Variants in ATXN7L1 observed in about 807,000 individuals in gnomAD.
ATXN7L1 encodes the protein ataxin-7-like protein 1.
ATXN7L1 carries 15 observed loss-of-function variants against 70.8 expected under a neutral mutation model. The ratio of observed to expected loss-of-function variants is 0.21; its 90% CI spans 0.14 to 0.33. ATXN7L1 has a LOEUF of 0.33. Ranked by LOEUF, ATXN7L1 falls within the 10% of genes least tolerant of loss-of-function variation. ATXN7L1 has a pLI of 1.00. For synonymous variants in ATXN7L1, 440 were observed against 445.1 expected, an observed-to-expected ratio of 0.99 and a Z score of 0.14; for missense variants, 975 against 1,097.1, an observed-to-expected ratio of 0.89 and a Z score of 1.57.
At chr7:105,798,967 C>T (rs1806403972) in intron 2 of ATXN7L1, among the ~76,000 whole-genome samples, 1 of 152,246 alleles carries the variant, frequency 6.6e-6, no homozygotes, top group Non-Finnish European at 1.5e-5. Context: ...GCAGTTCTCA[C>T]TAGGTCTTCT....
At chr7:105,744,383 G>A (rs1798341092) in intron 3 of ATXN7L1, among the ~76,000 whole-genome samples, 1 of 151,944 alleles carries the variant, frequency 6.6e-6, no homozygotes, top group South Asian at 2.1e-4. Flanking sequence ...CAAGAGCTTA[G>A]AGTATATTTA....
In ATXN7L1 at chr7:105,628,736, T is replaced by C. The variant is rs532386114; in HGVS notation, c.1203-4469A>G. Among the ~76,000 whole-genome samples, 117 of 151,902 alleles carry C rather than the reference T, an allele frequency of 7.7e-4. 2 individuals carry two copies. The highest frequency in any genetic ancestry group is 2.7e-3 in the African/African-American group (110 of 41,392). ...TGAACCCGGGAGGCAGAGTTTGCAG[T>C]GAGCCGAGATCGCGCCACTGTACTC... is the stretch of plus-strand genomic sequence containing the variant. On this transcript the variant is annotated intron_variant, in intron 7 of 11. Transcript: ENST00000419735.
At chr7:105,646,006 C>CAA (rs34098256) in intron 4 of ATXN7L1, among the ~76,000 whole-genome samples, 29 of 119,860 alleles carry the variant, frequency 2.4e-4, no homozygotes, top group Middle Eastern at 4.5e-3. Flanking sequence ...GTCTCTGTCT[C>CAA]AAAAAAAAAA....
intron 3 of ATXN7L1, among the ~76,000 whole-genome samples, chr7:105,776,977 C>A (rs1802829461): frequency 6.6e-6 from 1 of 152,082 alleles, no homozygotes. Context: ...ACCATGTTGG[C>A]CAGGCTGGTC....
chr7:105,761,092 G>A, intron 3 of ATXN7L1: 1 of 994,874 alleles, frequency 1.0e-6, no homozygotes, highest in Non-Finnish European at 1.2e-6. Flanking sequence ...AGCAGGAACA[G>A]CTGGAAGGCT....
intron 2 of ATXN7L1, among the ~76,000 whole-genome samples, chr7:105,812,434 C>T (rs1355565121): frequency 1.3e-5 from 2 of 152,184 alleles, no homozygotes; most frequent in Non-Finnish European, 2.9e-5. Flanking sequence ...AGAGATCTAA[C>T]TCAGACTAGC....
At chr7:105,725,204 TAAAGAGAGAAG>T in intron 3 of ATXN7L1, among the ~76,000 whole-genome samples, 1 of 152,166 alleles carries the variant, frequency 6.6e-6, no homozygotes, top group Non-Finnish European at 1.5e-5. Flanking sequence ...AATACAAAGC[TAAAGAGAGAAG>T]AAAGAGAGAG....
At position 105,665,292 on chromosome 7, in the gene ATXN7L1, C is replaced by T; in HGVS notation, c.356-4G>A. ...CACATTGAACCGTGTCTTCTCTCTA[C>T]AGGGGCAGAAAGTAGAGAACTCAGC... On this transcript the variant is annotated splice_polypyrimidine_tract_variant and splice_region_variant and intron_variant, in intron 3 of 11. Coordinates refer to ENST00000419735, the MANE Select transcript of ATXN7L1 (RefSeq NM_020725.2). The T allele has an allele frequency of 6.5e-7, 1 of 1,549,212 alleles. No homozygotes were observed. Among genetic ancestry groups the T allele is most frequent in the Non-Finnish European group, 8.7e-7 (1 of 1,145,142 alleles).
intron 2 of ATXN7L1, among the ~76,000 whole-genome samples, chr7:105,838,313 C>A (rs1563133818): frequency 6.6e-6 from 1 of 152,154 alleles, no homozygotes; most frequent in Non-Finnish European, 1.5e-5. Context: ...CGACATTTTA[C>A]CATTTCCTAC....
chr7:105,677,989 C>A (rs1380195178), intron 3 of ATXN7L1: 3 of 985,260 alleles, frequency 3.0e-6, no homozygotes, highest in Middle Eastern at 5.2e-4. Context: ...AATAACGGAA[C>A]CATTTCTGTT....
intron 3 of ATXN7L1, among the ~76,000 whole-genome samples, chr7:105,765,126 G>T (rs552887381): frequency 4.6e-5 from 7 of 152,156 alleles, no homozygotes; most frequent in African/African-American, 1.7e-4. Context: ...TTGAGGTCAG[G>T]AGTTCGAGAC....
chr7:105,663,184 G>A (rs751284708), intron 4 of ATXN7L1, among the ~76,000 whole-genome samples: 1 of 152,160 alleles, frequency 6.6e-6, no homozygotes, highest in Non-Finnish European at 1.5e-5. Context: ...TCACATCGCC[G>A]GTGGGTGGGC....
chr7:105,840,786 C>A (rs760780047), intron 2 of ATXN7L1, among the ~76,000 whole-genome samples: 5 of 152,204 alleles, frequency 3.3e-5, no homozygotes, highest in Non-Finnish European at 7.3e-5. Context: ...AACTTACCGG[C>A]GGTGAGCACA....
chr7:105,831,500 G>A (rs1811591562), intron 2 of ATXN7L1, among the ~76,000 whole-genome samples: 1 of 152,196 alleles, frequency 6.6e-6, no homozygotes, highest in Non-Finnish European at 1.5e-5. Context: ...GGTCGTGGCC[G>A]AGGAACTATG....
intron 9 of ATXN7L1, among the ~76,000 whole-genome samples, chr7:105,617,259 C>T (rs1794052060): frequency 6.6e-6 from 1 of 152,164 alleles, no homozygotes. Flanking sequence ...CTCCTAACAT[C>T]GTGATCTGCC....
At chr7:105,666,311 A>G (rs1045755876) in intron 3 of ATXN7L1, among the ~76,000 whole-genome samples, 3 of 152,226 alleles carry the variant, frequency 2.0e-5, no homozygotes, top group Non-Finnish European at 2.9e-5. Context: ...CTTAATTAAC[A>G]TGTGTTGAAT....
chr7:105,821,085 G>A (rs1467754053), intron 2 of ATXN7L1, among the ~76,000 whole-genome samples: 2 of 152,176 alleles, frequency 1.3e-5, no homozygotes, highest in African/African-American at 4.8e-5. Context: ...TGTTGCCCAG[G>A]CTGGAGTGCG....
intron 4 of ATXN7L1, among the ~76,000 whole-genome samples, chr7:105,643,503 A>G (rs944789868): frequency 3.3e-5 from 5 of 152,340 alleles, no homozygotes; most frequent in Middle Eastern, 3.4e-3. Flanking sequence ...CCTGAAGACA[A>G]TGTGCCACTG....
intron 2 of ATXN7L1, among the ~76,000 whole-genome samples, chr7:105,829,481 A>C (rs1017656633): frequency 6.6e-6 from 1 of 152,008 alleles, no homozygotes; most frequent in Non-Finnish European, 1.5e-5. Flanking sequence ...ACAACAACAA[A>C]AAACCAGCCA....
Sources: gnomAD v4.1 joint callset for allele counts (sites outside exome capture counted in the v4.1 genomes callset) on GRCh38, gnomAD v4.1.1 for gene constraint, MANE v1.5 for transcripts, NCBI Gene and HGNC (gene_info 2026-07-23, HGNC 2026-07-21) for gene names.